Variants in SLC35G1 observed in about 807,000 individuals in gnomAD.
The protein encoded by SLC35G1 is solute carrier family 35 member G1, also known as partner of STIM1.
SLC35G1 carries 10 observed loss-of-function variants against 17.1 expected under a neutral mutation model. The ratio of observed to expected loss-of-function variants is 0.59; its 90% CI spans 0.36 to 0.99. The LOEUF (loss-of-function observed/expected upper bound fraction) is 0.99. Among genes scored for constraint, SLC35G1 ranks in the 50% least tolerant of loss-of-function variants. The pLI is 0.01. For missense variants in SLC35G1, 433 were observed against 468.4 expected, an observed-to-expected ratio of 0.92 and a Z score of 0.70; for synonymous variants, 185 against 181.1, an observed-to-expected ratio of 1.02 and a Z score of -0.18.
downstream of SLC35G1, among the ~76,000 whole-genome samples, chr10:93,904,840 T>C (rs1038672754): frequency 1.3e-5 from 2 of 152,208 alleles, no homozygotes; most frequent in Admixed American, 1.3e-4. Context: ...GACTGTAGAA[T>C]TGAGTATTCA....
intron 1 of SLC35G1, among the ~76,000 whole-genome samples, chr10:93,896,900 GGAGTTTCTATGTAGGGGTT>G (rs1348382578): frequency 6.6e-6 from 1 of 152,092 alleles, no homozygotes; most frequent in East Asian, 1.9e-4. Context: ...GTTTGAGGGT[GGAGTTTCTATGTAGGGGTT>G]GAGTTTCTTT....
intron 2 of SLC35G1, 148 bp downstream of exon 2, chr10:93,898,899 C>A: frequency 2.8e-6 from 2 of 719,264 alleles, no homozygotes; most frequent in Non-Finnish European, 4.2e-6. Flanking sequence ...AAGTCATAAG[C>A]ATCTACCCAC....
chr10:93,904,281 C>G (rs1293989684), downstream of SLC35G1, among the ~76,000 whole-genome samples: 1 of 152,230 alleles, frequency 6.6e-6, no homozygotes, highest in Non-Finnish European at 1.5e-5. Context: ...AAGACTCTTT[C>G]TTCCACTCTG....
downstream of SLC35G1, chr10:93,907,051 T>G (rs1029287289): frequency 6.6e-6 from 1 of 152,186 alleles, no homozygotes; most frequent in Non-Finnish European, 1.5e-5. Context: ...TAGTTATTTT[T>G]TATTAAAGTG....
intron 1 of SLC35G1, among the ~76,000 whole-genome samples, chr10:93,898,056 C>T (rs1263889015): frequency 6.6e-6 from 1 of 152,186 alleles, no homozygotes. Flanking sequence ...CAGGCATGTA[C>T]AAGACAGCAA....
intron 1 of SLC35G1, among the ~76,000 whole-genome samples, chr10:93,895,440 T>C (rs912556964): frequency 1.3e-5 from 2 of 152,194 alleles, no homozygotes; most frequent in African/African-American, 4.8e-5. Flanking sequence ...TCTGGTGGCA[T>C]GCCGAATCAG....
chr10:93,904,227 C>G (rs1224615355), downstream of SLC35G1, among the ~76,000 whole-genome samples: 1 of 152,188 alleles, frequency 6.6e-6, no homozygotes, highest in East Asian at 1.9e-4. Context: ...AGACTTAGCA[C>G]CTTACACCTG....
chr10:93,894,421 T>A (rs954565261), intron 1 of SLC35G1, among the ~76,000 whole-genome samples: 41 of 152,234 alleles, frequency 2.7e-4, no homozygotes, highest in Admixed American at 6.5e-4. Flanking sequence ...GAAGAAACTT[T>A]CCGATTGTTA....
intron 1 of SLC35G1, 105 bp downstream of exon 1, chr10:93,894,316 C>A: frequency 9.1e-7 from 1 of 1,102,866 alleles, no homozygotes; most frequent in Non-Finnish European, 1.2e-6. Flanking sequence ...GCCGCGCCTC[C>A]GTCCCCACCC....
chr10:93,901,410 T>C lies in SLC35G1; in HGVS notation c.1018T>C (p.Trp340Arg), dbSNP rs761316640. Residue 340 changes from tryptophan (W) to arginine (R), a missense_variant, in exon 3 of 3, where the codon TGG becomes CGG. By Grantham distance (101) the Trp-to-Arg change is moderately radical. Coordinates refer to ENST00000427197, the MANE Select transcript of SLC35G1 (RefSeq NM_001134658.3). ...IIFFNNVPTW[W>R]TVGGALCVVA... ...TTTCTTTAATAATGTGCCAACGTGG[T>C]GGACAGTGGGTGGTGCTCTCTGCGT... is the stretch of plus-strand genomic sequence containing the variant. The C allele has an allele frequency of 6.2e-7, 1 of 1,614,084 alleles. No homozygotes were observed. The highest frequency in any genetic ancestry group is 1.1e-5 in the South Asian group (1 of 91,070).
At chr10:93,909,184 C>G (rs1018696377) in exon 3 of SLC35G1, 1 of 152,184 alleles carries the variant, frequency 6.6e-6, no homozygotes, top group African/African-American at 2.4e-5. Flanking sequence ...GTCCCTGCAA[C>G]AAGCCTGTTT....
At chr10:93,896,521 T>C (rs1169669269) in intron 1 of SLC35G1, among the ~76,000 whole-genome samples, 1 of 152,180 alleles carries the variant, frequency 6.6e-6, no homozygotes, top group Non-Finnish European at 1.5e-5. Context: ...CTCTTTCAGT[T>C]ATGCTAGTCA....
downstream of SLC35G1, chr10:93,908,681 G>A (rs920417364): frequency 3.3e-5 from 5 of 152,144 alleles, no homozygotes; most frequent in Non-Finnish European, 7.3e-5. Flanking sequence ...CCAATGCAAG[G>A]AAACACCAAA....
At chr10:93,898,447 ATATGCT>A in intron 1 of SLC35G1, 118 bp from the exon 2 acceptor site, 1 of 804,124 alleles carries the variant, frequency 1.2e-6, no homozygotes, top group Non-Finnish European at 1.9e-6. Context: ...CAGAGAAATG[ATATGCT>A]TAGGAGGTAA....
downstream of SLC35G1, among the ~76,000 whole-genome samples, chr10:93,905,805 A>T (rs373893536): frequency 1.8e-3 from 269 of 152,324 alleles, 1 homozygote; most frequent in Non-Finnish European, 3.0e-3. Context: ...GAAGTAACCT[A>T]GATTCATGAT....
Position 93,902,577 on chromosome 10 carries a change from A to G in SLC35G1, c.*1087A>G, listed in dbSNP as rs1194131494. The stretch of plus-strand genomic sequence containing the variant: ...CTTTGGAGTATATGTTTTTAAAGTA[A>G]TTTTTTAAAATATGGTAATGTATTA... On this transcript the variant is annotated 3_prime_UTR_variant, in exon 3 of 3. Coordinates refer to ENST00000427197, the MANE Select transcript of SLC35G1 (RefSeq NM_001134658.3). The G allele has an allele frequency of 6.6e-6, 1 of 152,566 alleles. No homozygotes were observed. The highest frequency in any genetic ancestry group is 1.5e-5 in the Non-Finnish European group (1 of 68,020). 9.5% of individuals were successfully genotyped at this position (152,566 alleles called of 1,614,324 possible). A position where few individuals can be genotyped will look rare whatever the true frequency, so the allele number is the denominator to read the frequency against.
In SLC35G1 at chr10:93,901,475, C is replaced by T. The variant is rs1171464542; in HGVS notation, c.1083C>T (p.Tyr361=). Residue 361 remains tyrosine, a synonymous_variant, in exon 3 of 3, where the codon TAC becomes TAT. Transcript: ENST00000427197. ...SNVGAAIRKW[Y]QSSK is the part of the protein sequence containing the mutation. ...TTGGAGCGGCCATTCGTAAATGGTA[C>T]CAAAGTTCCAAATGAAGCATCATTG... is the stretch of plus-strand genomic sequence containing the variant. The T allele has an allele frequency of 1.9e-6, 3 of 1,587,608 alleles. No individual in the cohort carries two copies. Among genetic ancestry groups the T allele is most frequent in the Non-Finnish European group, 2.6e-6 (3 of 1,168,840 alleles).
downstream of SLC35G1, among the ~76,000 whole-genome samples, chr10:93,905,326 T>G (rs1273319964): frequency 3.3e-5 from 5 of 152,072 alleles, no homozygotes; most frequent in Non-Finnish European, 7.4e-5. Flanking sequence ...TAGAATTTGG[T>G]TATATGGGTG....
At chr10:93,894,951 A>G (rs552809239) in intron 1 of SLC35G1, among the ~76,000 whole-genome samples, 2 of 152,238 alleles carry the variant, frequency 1.3e-5, no homozygotes, top group East Asian at 3.9e-4. Context: ...GATGGGGCGC[A>G]TGTCCAGGGA....
Sources: gnomAD v4.1 joint callset for allele counts (sites outside exome capture counted in the v4.1 genomes callset) on GRCh38, gnomAD v4.1.1 for gene constraint, MANE v1.5 for transcripts, NCBI Gene and HGNC (gene_info 2026-07-23, HGNC 2026-07-21) for gene names.